EMSY: variants seen among roughly 807,000 people sequenced by gnomAD.
EMSY encodes the protein BRCA2-interacting transcriptional repressor EMSY.
Under a neutral mutation model 134.6 loss-of-function variants are expected in EMSY, and 26 were observed. That is an observed-to-expected ratio of 0.19 (90% CI 0.14 to 0.27). The LOEUF (loss-of-function observed/expected upper bound fraction) is 0.27, where lower values mean the gene tolerates loss of function less well. Among genes scored for constraint, EMSY ranks in the 10% least tolerant of loss-of-function variants. EMSY has a pLI of 1.00. For missense variants in EMSY, 1,305 were observed against 1,611.4 expected (o/e 0.81, Z 3.26); for synonymous variants, 579 against 577.8 (o/e 1.00, Z -0.03).
intron 4 of EMSY, among the ~76,000 whole-genome samples, chr11:76,455,961 T>C (rs542974102): frequency 6.6e-6 from 1 of 152,156 alleles, no homozygotes; most frequent in Non-Finnish European, 1.5e-5. Flanking sequence ...TGTGTGAGGA[T>C]GAGGATTTCT....
chr11:76,501,951 C>T (rs1382601192), intron 9 of EMSY, among the ~76,000 whole-genome samples: 4 of 150,490 alleles, frequency 2.7e-5, no homozygotes, highest in African/African-American at 9.8e-5. Context: ...AACAACATAT[C>T]ACTTACAAGG....
chr11:76,506,039 T>C (rs988705882), intron 9 of EMSY, among the ~76,000 whole-genome samples: 2 of 152,080 alleles, frequency 1.3e-5, no homozygotes, highest in African/African-American at 4.8e-5. Flanking sequence ...TGGTGGCATA[T>C]GCTTGTAGTC....
chr11:76,544,045 T>C (rs923056995), intron 18 of EMSY, among the ~76,000 whole-genome samples: 3 of 152,232 alleles, frequency 2.0e-5, no homozygotes, highest in Non-Finnish European at 4.4e-5. Context: ...CTAAGACTTT[T>C]CTTATAGTAG....
chr11:76,454,731 C>T lies in EMSY; in HGVS notation c.245+1343C>T. The T allele has an allele frequency of 2.1e-6, 3 of 1,436,930 alleles. No individual in the cohort carries two copies. The highest frequency in any genetic ancestry group is 2.1e-5 in the Admixed American group (1 of 46,794). 89.0% of individuals were successfully genotyped at this position (1,436,930 alleles called of 1,614,324 possible). ...ATAACATTTATTTAGTCTCCTTTTC[C>T]TTTTTTCCCCTTTAAAGAATGAATT... On this transcript the variant is annotated intron_variant, in intron 4 of 20. Coordinates refer to ENST00000334736, the Ensembl canonical transcript of EMSY.
At chr11:76,505,482 G>A (rs531510868) in intron 9 of EMSY, among the ~76,000 whole-genome samples, 3 of 150,992 alleles carry the variant, frequency 2.0e-5, no homozygotes, top group East Asian at 2.0e-4. Context: ...ATACAATAGC[G>A]TGATAAATAC....
At chr11:76,496,297 T>C in exon 9 of EMSY, 1 of 1,614,176 alleles carries the variant, frequency 6.2e-7, no homozygotes, top group Non-Finnish European at 8.5e-7. Flanking sequence ...CTCAGATTCT[T>C]GCACAGTTCC....
intron 8 of EMSY, among the ~76,000 whole-genome samples, chr11:76,479,908 G>T (rs1948904277): frequency 6.6e-6 from 1 of 152,122 alleles, no homozygotes; most frequent in African/African-American, 2.4e-5. Context: ...TGGTAATACT[G>T]GTCATGAAAC....
At chr11:76,475,290 A>G (rs1420968634) in intron 8 of EMSY, among the ~76,000 whole-genome samples, 1 of 152,178 alleles carries the variant, frequency 6.6e-6, no homozygotes, top group Non-Finnish European at 1.5e-5. Context: ...TATTAGAAAG[A>G]TTACTGTTTT....
intron 8 of EMSY, among the ~76,000 whole-genome samples, 159 bp downstream of exon 9, chr11:76,472,999 G>A (rs567186633): frequency 3.9e-5 from 6 of 152,254 alleles, no homozygotes; most frequent in African/African-American, 1.2e-4. Flanking sequence ...CAAGATGGTC[G>A]GTGATTCCAT....
chr11:76,489,315 C>CTTTTTTTT (rs57048007), intron 8 of EMSY, among the ~76,000 whole-genome samples: 9 of 128,158 alleles, frequency 7.0e-5, no homozygotes, highest in Non-Finnish European at 1.0e-4. Context: ...TTCTTGTTTT[C>CTTTTTTTT]TTTTTTTTTT....
chr11:76,513,528 T>C (rs1356860859), exon 10 of EMSY: 3 of 1,612,986 alleles, frequency 1.9e-6, no homozygotes, highest in Non-Finnish European at 2.5e-6. Context: ...TGGTAACCAC[T>C]CCTACTGGTA....
chr11:76,528,209 T>C, intron 13 of EMSY, 59 bp from the exon 15 acceptor site: 3 of 1,452,426 alleles, frequency 2.1e-6, no homozygotes, highest in Non-Finnish European at 2.9e-6. Flanking sequence ...CCTAGAAGTT[T>C]AGCATTTTTA....
chr11:76,506,273 G>C (rs1229388078), intron 9 of EMSY, among the ~76,000 whole-genome samples: 1 of 152,058 alleles, frequency 6.6e-6, no homozygotes, highest in African/African-American at 2.4e-5. Flanking sequence ...ATCACATTTG[G>C]TTATCAATAT....
chr11:76,511,836 T>C (rs1335743751), intron 9 of EMSY, among the ~76,000 whole-genome samples: 7 of 152,198 alleles, frequency 4.6e-5, no homozygotes, highest in Non-Finnish European at 8.8e-5. Context: ...AATTACTGAA[T>C]TTTTACTGTT....
chr11:76,501,398 G>A (rs1949851836), intron 9 of EMSY, among the ~76,000 whole-genome samples: 1 of 152,142 alleles, frequency 6.6e-6, no homozygotes, highest in Non-Finnish European at 1.5e-5. Context: ...TTACAAATAT[G>A]TTCACAGAAC....
rs1401413286 is a variant in EMSY, at chr11:76,453,298, C to T, written c.171-16C>T. The T allele has an allele frequency of 6.2e-6, 10 of 1,610,340 alleles. No homozygotes were observed. Among genetic ancestry groups the T allele is most frequent in the South Asian group, 1.1e-5 (1 of 90,544 alleles). Reference sequence around the variant, plus strand: ...CCTGCTTGGCAGAGTTCTATAATGGCTATTTTTCTTCATAGCATCTCAACA... The same window carrying T: ...CCTGCTTGGCAGAGTTCTATAATGGTTATTTTTCTTCATAGCATCTCAACA... On this transcript the variant is annotated splice_polypyrimidine_tract_variant and intron_variant, in intron 3 of 20. Transcript: ENST00000334736.
intron 10 of EMSY, among the ~76,000 whole-genome samples, chr11:76,514,147 C>T (rs1189142356): frequency 3.3e-5 from 5 of 151,958 alleles, no homozygotes; most frequent in South Asian, 4.1e-4. Flanking sequence ...AAATGTTTTT[C>T]TTTGTTTATT....
exon 14 of EMSY, chr11:76,528,409 C>T (rs147320493): frequency 6.2e-7 from 1 of 1,611,912 alleles, no homozygotes; most frequent in Non-Finnish European, 8.5e-7. Context: ...AAAAGAAGAA[C>T]CACAGAATTA....
At chr11:76,462,098 G>T (rs151015779) in intron 6 of EMSY, among the ~76,000 whole-genome samples, 1 of 152,004 alleles carries the variant, frequency 6.6e-6, no homozygotes, top group Non-Finnish European at 1.5e-5. Flanking sequence ...AATTAGCCAG[G>T]TGTGGTGGCA....
Sources: allele counts gnomAD v4.1 joint callset (sites outside exome capture counted in the v4.1 genomes callset), GRCh38; gene constraint gnomAD v4.1.1; transcripts MANE v1.5; gene names NCBI Gene and HGNC (gene_info 2026-07-23, HGNC 2026-07-21).